The following ATXN7 variants were observed in gnomAD, a reference collection of about 807,000 sequenced individuals.
ATXN7 encodes the protein ataxin-7.
A neutral mutation model predicts 70.5 loss-of-function variants in ATXN7; 12 were observed. The observed-to-expected ratio is 0.17, with a 90% CI of 0.11 to 0.28. The LOEUF (loss-of-function observed/expected upper bound fraction) is 0.28. Among genes scored for constraint, ATXN7 ranks in the 10% least tolerant of loss-of-function variants. The probability of loss-of-function intolerance (pLI) is 1.00; values close to 1 mark genes in which losing one functional copy is unlikely to be tolerated. For synonymous variants in ATXN7, 498 were observed against 448.7 expected (o/e 1.11, Z -1.39); for missense variants, 1,256 against 1,131.7 (o/e 1.11, Z -1.58).
At chr3:63,874,386 T>C (rs568161555) in intron 1 of ATXN7, among the ~76,000 whole-genome samples, 1 of 152,378 alleles carries the variant, frequency 6.6e-6, no homozygotes, top group South Asian at 2.1e-4. Flanking sequence ...TAAAAGCTTA[T>C]AGGCTGAAGG....
rs2075831254 is a variant in ATXN7 at position 64,001,362 on chromosome 3, A to C, written c.*1895A>C. 1 of 152,176 alleles carries C rather than the reference A, an allele frequency of 6.6e-6. No homozygotes were observed. Among genetic ancestry groups the C allele is most frequent in the Non-Finnish European group, 1.5e-5 (1 of 68,034 alleles). 9.4% of individuals were successfully genotyped at this position (152,176 alleles called of 1,614,324 possible). ...TGGGCCAGTTTGGCATAGTTGGGAG[A>C]AATCAGTCTGGTTTCCATCCCAGTC... is the stretch of plus-strand genomic sequence containing the variant. On this transcript the variant is annotated 3_prime_UTR_variant, in exon 13 of 13. Transcript: ENST00000674280.
intron 5 of ATXN7, among the ~76,000 whole-genome samples, chr3:63,960,493 A>C: frequency 6.6e-6 from 1 of 152,206 alleles, no homozygotes; most frequent in East Asian, 1.9e-4. Context: ...GTTTTATACT[A>C]GTTAAGGTGA....
chr3:63,952,597 G>A (rs1325623802), intron 5 of ATXN7, 114 bp downstream of exon 5: 4 of 569,374 alleles, frequency 7.0e-6, no homozygotes, highest in Non-Finnish European at 8.6e-6. Context: ...CCACCAGGAA[G>A]TAGGCTTTTT....
intron 4 of ATXN7, among the ~76,000 whole-genome samples, chr3:63,938,875 A>C (rs967371619): frequency 1.3e-5 from 2 of 152,230 alleles, no homozygotes; most frequent in African/African-American, 4.8e-5. Context: ...ACTTCAGTGT[A>C]AGCAATTAGT....
intron 5 of ATXN7, among the ~76,000 whole-genome samples, chr3:63,965,544 C>T (rs944596456): frequency 1.3e-5 from 2 of 152,104 alleles, no homozygotes; most frequent in African/African-American, 2.4e-5. Context: ...CAGTGAGGCA[C>T]GGATGTTATT....
At position 63,996,180 on chromosome 3, in the gene ATXN7, A is replaced by G. The variant is rs2075756089; in HGVS notation, c.2358A>G (p.Glu786=). ...GRGPPTGSPA[E]SIKRMSVMVN... Reference sequence around the variant, plus strand: ...GCCCCCCCACCGGGAGCCCTGCTGAATCCATCAAGAGGATGAGTGTGATGG... The same window carrying G: ...GCCCCCCCACCGGGAGCCCTGCTGAGTCCATCAAGAGGATGAGTGTGATGG... Residue 786 remains glutamate (E), a synonymous_variant, in exon 12 of 13, where the codon GAA becomes GAG. Transcript: ENST00000674280. 1.2e-6 allele frequency: 2 copies of G among 1,614,188 alleles called. No homozygotes were observed. The highest frequency in any genetic ancestry group is 1.7e-6 in the Non-Finnish European group (2 of 1,180,038).
rs1316563854 is a variant in ATXN7 at position 64,002,786 on chromosome 3, T to TG, written c.*3321dup. ...TGGTTCATAGTAATTCAATTGGTGA[T>TG]GGATTGCCTGGTGGCACCAAGGGTT... On this transcript the variant is annotated 3_prime_UTR_variant, in exon 13 of 13. Coordinates refer to ENST00000674280, the MANE Select transcript of ATXN7 (RefSeq NM_001377405.1). The TG allele has an allele frequency of 6.6e-6, 1 of 152,192 alleles. No individual in the cohort carries two copies. Among genetic ancestry groups the TG allele is most frequent in the African/African-American group, 2.4e-5 (1 of 41,452 alleles). 9.4% of individuals were successfully genotyped at this position (152,192 alleles called of 1,614,324 possible).
rs778679866 is a variant in ATXN7, at chr3:63,995,672, C to T, written c.1850C>T (p.Ser617Leu). The T allele has an allele frequency of 1.3e-5, 21 of 1,614,074 alleles. No homozygotes were observed. Among genetic ancestry groups the T allele is most frequent in the Middle Eastern group, 1.6e-4 (1 of 6,084 alleles). The change falls in exon 12 of 13, where the codon TCG becomes TTG. Residue 617 changes from serine to leucine, a missense_variant. Physicochemically the swap from Ser to Leu is moderately radical, Grantham distance 145. Transcript: ENST00000674280. ...SSTCISPNSKSVPAHGTTLNA... is the reference protein window; with the variant it reads ...SSTCISPNSKLVPAHGTTLNA... ...ACCTGCATCTCCCCAAATAGCAAAT[C>T]GGTACCAGCTCATGGAACCACACTA...
At chr3:63,913,286 A>C in intron 4 of ATXN7, 61 bp downstream of exon 4, 1 of 1,516,836 alleles carries the variant, frequency 6.6e-7, no homozygotes, top group Admixed American at 1.8e-5. Flanking sequence ...TTGACAGTTC[A>C]CTGGGACCGG....
chr3:63,967,267 A>G (rs1311778334), intron 5 of ATXN7, among the ~76,000 whole-genome samples: 1 of 152,248 alleles, frequency 6.6e-6, no homozygotes, highest in East Asian at 1.9e-4. Flanking sequence ...TAGTGATTGA[A>G]CAACAAACTG....
In ATXN7 at chr3:63,912,866, A is replaced by T. The variant is rs1411009760; in HGVS notation, c.268A>T (p.Met90Leu). 1.9e-6 allele frequency: 3 copies of T among 1,613,080 alleles called. No individual in the cohort carries two copies. The highest frequency in any genetic ancestry group is 4.5e-5 in the East Asian group (2 of 44,764). Residue 90 changes from methionine (M) to leucine (L), a missense_variant, in exon 3 of 13, where the codon ATG becomes TTG. Coordinates refer to ENST00000674280, the MANE Select transcript of ATXN7 (RefSeq NM_001377405.1). ...ERRPLPSPEV[M>L]LGQSWNLWVE... ...CAGGCCTCTGCCCAGTCCTGAAGTG[A>T]TGCTGGGACAGTCGTGGAATCTGTG... is the stretch of plus-strand genomic sequence containing the variant.
At chr3:63,929,507 G>A (rs571431744) in intron 4 of ATXN7, among the ~76,000 whole-genome samples, 2 of 152,174 alleles carry the variant, frequency 1.3e-5, no homozygotes, top group Non-Finnish European at 2.9e-5. Context: ...TCCTGACCTC[G>A]TGATGCGCCT....
intron 4 of ATXN7, among the ~76,000 whole-genome samples, chr3:63,942,164 G>T (rs778051484): frequency 6.6e-6 from 1 of 152,196 alleles, no homozygotes; most frequent in Non-Finnish European, 1.5e-5. Flanking sequence ...CAGAAGAGCA[G>T]GGATTTCCTG....
chr3:63,881,257 T>TAGC (rs1169988763), intron 1 of ATXN7, among the ~76,000 whole-genome samples: 1 of 151,756 alleles, frequency 6.6e-6, no homozygotes, highest in African/African-American at 2.4e-5. Flanking sequence ...TGTGATTGAG[T>TAGC]AGTACCAATG....
chr3:63,863,619 G>A (rs936837335), upstream of ATXN7: 2 of 1,198,056 alleles, frequency 1.7e-6, no homozygotes, highest in African/African-American at 1.6e-5. Context: ...GGGAGGCCCG[G>A]GGCTCCGGGG....
chr3:63,868,898 C>T (rs1272454490), intron 1 of ATXN7, among the ~76,000 whole-genome samples: 1 of 152,162 alleles, frequency 6.6e-6, no homozygotes, highest in Non-Finnish European at 1.5e-5. Context: ...CTTTAGTTGT[C>T]TAATTCTGCT....
chr3:63,927,167 G>C (rs1704751354), intron 4 of ATXN7, among the ~76,000 whole-genome samples: 1 of 152,116 alleles, frequency 6.6e-6, no homozygotes, highest in African/African-American at 2.4e-5. Flanking sequence ...ATAATACTTT[G>C]GGTATATACC....
chr3:63,921,981 C>G (rs1184580953), intron 4 of ATXN7, among the ~76,000 whole-genome samples: 1 of 152,192 alleles, frequency 6.6e-6, no homozygotes, highest in African/African-American at 2.4e-5. Context: ...AGAGGAAACT[C>G]TGGCATGACA....
At chr3:63,933,998 G>T (rs1232521745) in intron 4 of ATXN7, among the ~76,000 whole-genome samples, 1 of 152,060 alleles carries the variant, frequency 6.6e-6, no homozygotes, top group East Asian at 1.9e-4. Context: ...GTGGTGATTG[G>T]AAATTGCGTA....
Sources: gnomAD v4.1 joint callset for allele counts (sites outside exome capture counted in the v4.1 genomes callset) on GRCh38, gnomAD v4.1.1 for gene constraint, MANE v1.5 for transcripts, NCBI Gene and HGNC (gene_info 2026-07-23, HGNC 2026-07-21) for gene names.